The following GPATCH1 variants were observed in gnomAD, a reference collection of about 807,000 sequenced individuals.
The protein encoded by GPATCH1 is G-patch domain containing 1.
GPATCH1 carries 73 observed loss-of-function variants against 114.9 expected under a neutral mutation model. The observed-to-expected ratio is 0.64, with a 90% CI of 0.53 to 0.77. The LOEUF is 0.77. Ranked by LOEUF, GPATCH1 falls within the 30% of genes least tolerant of loss-of-function variation. The pLI is 0.00. For missense variants in GPATCH1, 1,058 were observed against 1,144.3 expected, an observed-to-expected ratio of 0.92 and a Z score of 1.09; for synonymous variants, 391 against 428.4, an observed-to-expected ratio of 0.91 and a Z score of 1.08.
At chr19:33,116,006 T>C (rs1972912688) in intron 15 of GPATCH1, among the ~76,000 whole-genome samples, 1 of 152,142 alleles carries the variant, frequency 6.6e-6, no homozygotes, top group South Asian at 2.1e-4. Flanking sequence ...TTATATTCCA[T>C]TTGAATTTTT....
chr19:33,104,472 T>A (rs763468452), intron 9 of GPATCH1, among the ~76,000 whole-genome samples: 8 of 151,678 alleles, frequency 5.3e-5, no homozygotes, highest in Non-Finnish European at 8.8e-5. Context: ...GATTTGGGGG[T>A]GTGTCTCCAG....
intron 14 of GPATCH1, 126 bp from the exon 15 acceptor site, chr19:33,114,127 A>G (rs961254219): frequency 1.0e-6 from 1 of 978,442 alleles, no homozygotes. Context: ...CTACCTCCCC[A>G]GGACCCTACA....
At chr19:33,107,599 C>T (rs1972799821) in intron 10 of GPATCH1, among the ~76,000 whole-genome samples, 1 of 152,164 alleles carries the variant, frequency 6.6e-6, no homozygotes, top group African/African-American at 2.4e-5. Flanking sequence ...GGAGAATCCC[C>T]TGCAGGGTGC....
rs202191781 is a variant in GPATCH1 at position 33,111,719 on chromosome 19, C to A, written c.1586-5C>A. 6.2e-7 allele frequency: 1 copy of A among 1,613,024 alleles called. No individual in the cohort carries two copies. Among genetic ancestry groups the A allele is most frequent in the Admixed American group, 1.7e-5 (1 of 59,828 alleles). On this transcript the variant is annotated splice_polypyrimidine_tract_variant and splice_region_variant and intron_variant, in intron 11 of 19. Coordinates refer to ENST00000170564, the MANE Select transcript of GPATCH1 (RefSeq NM_018025.3). ...GAAGCTGCTTCTTGTTCTCTGCCCCCGCAGATGCTCTGGAACGCTGTCTGG... is the reference window on the plus strand; with the variant it reads ...GAAGCTGCTTCTTGTTCTCTGCCCCAGCAGATGCTCTGGAACGCTGTCTGG...
intron 8 of GPATCH1, 25 bp downstream of exon 8, chr19:33,097,927 T>G (rs1972682056): frequency 1.2e-6 from 2 of 1,610,522 alleles, no homozygotes; most frequent in African/African-American, 2.7e-5. Context: ...ACAAACCTAA[T>G]GGCAGGACCA....
chr19:33,121,032 A>G (rs932345376), intron 17 of GPATCH1, among the ~76,000 whole-genome samples: 1 of 151,868 alleles, frequency 6.6e-6, no homozygotes, highest in Non-Finnish European at 1.5e-5. Flanking sequence ...ATTAAAAAAG[A>G]AAAAGAGAAA....
intron 1 of GPATCH1, among the ~76,000 whole-genome samples, chr19:33,087,886 T>C (rs923152596): frequency 3.3e-5 from 5 of 151,968 alleles, no homozygotes; most frequent in African/African-American, 1.2e-4. Flanking sequence ...GATTTTGCCA[T>C]GTTGACCAGG....
intron 10 of GPATCH1, 104 bp from the exon 11 acceptor site, chr19:33,109,613 C>T (rs1244491472): frequency 3.0e-6 from 2 of 657,190 alleles, no homozygotes; most frequent in Admixed American, 3.4e-5. Context: ...AAATCCTCAT[C>T]CCCAATTATG....
At position 33,118,995 on chromosome 19, in the gene GPATCH1, C is replaced by A. The variant is rs771049683; in HGVS notation, c.2414-15C>A. 3.3e-6 allele frequency: 5 copies of A among 1,521,344 alleles called. No homozygotes were observed. In the Admixed American group the frequency reaches 8.8e-5, roughly 27 times the overall value. 94.2% of individuals were successfully genotyped at this position (1,521,344 alleles called of 1,614,324 possible). On this transcript the variant is annotated splice_polypyrimidine_tract_variant and intron_variant, in intron 16 of 19. Transcript: ENST00000170564. ...TGGGGCAGACGAATGACATGAACAC[C>A]CCGCTGTTTTTCAGCTCTTGTGCCA...
intron 17 of GPATCH1, among the ~76,000 whole-genome samples, chr19:33,121,315 CTTTTCTTTTT>C (rs1568350563): frequency 7.4e-6 from 1 of 134,464 alleles, no homozygotes; most frequent in Admixed American, 7.3e-5. Flanking sequence ...TTTTTCTTTT[CTTTTCTTTTT>C]TTTTTTTTTT....
intron 17 of GPATCH1, among the ~76,000 whole-genome samples, chr19:33,122,391 C>A (rs969243604): frequency 6.7e-6 from 1 of 149,184 alleles, no homozygotes; most frequent in African/African-American, 2.5e-5. Flanking sequence ...GTGGCGCAAT[C>A]TTGGCTCACT....
rs570525396 is a variant in GPATCH1 at position 33,128,797 on chromosome 19, G to A, written c.2766-1333G>A. Among the ~76,000 whole-genome samples the A allele has an allele frequency of 5.9e-5, 9 of 152,278 alleles. No homozygotes were observed. In the East Asian group the frequency reaches 1.7e-3, roughly 29 times the overall value. On this transcript the variant is annotated intron_variant, in intron 19 of 19. Transcript: ENST00000170564. ...GTGAGGGGCTTGTAGTCATTGCTGT[G>A]GAAGATTCCTTCTTGTGAGCACACC...
intron 5 of GPATCH1, among the ~76,000 whole-genome samples, chr19:33,094,833 T>C (rs1053508801): frequency 2.0e-5 from 3 of 152,182 alleles, no homozygotes; most frequent in East Asian, 1.9e-4. Context: ...TGGTTACTCA[T>C]TGAGCACATT....
intron 17 of GPATCH1, among the ~76,000 whole-genome samples, chr19:33,120,014 TTA>T (rs1332489195): frequency 7.4e-6 from 1 of 135,304 alleles, no homozygotes; most frequent in Non-Finnish European, 1.5e-5. Flanking sequence ...TTTATATATT[TTA>T]TATATTTATA....
Position 33,093,503 on chromosome 19 carries a change from C to G in GPATCH1, c.439C>G (p.Leu147Val), listed in dbSNP as rs1255714314. Residue 147 changes from leucine (L) to valine (V), a missense_variant, in exon 4 of 20, where the codon CTC becomes GTC. This residue lies in a region of GPATCH1 where 893 missense variants were observed against 977.4 expected (regional missense o/e 0.91). Coordinates refer to ENST00000170564, the MANE Select transcript of GPATCH1 (RefSeq NM_018025.3). ...PIPGATLLDD[L>V]ITPAKLSVGF... Reference sequence around the variant, plus strand: ...TCCTGGAGCCACCCTCCTTGATGACCTCATAACGCCAGCAAAGTGAGCATT... The same window carrying G: ...TCCTGGAGCCACCCTCCTTGATGACGTCATAACGCCAGCAAAGTGAGCATT... 6.2e-7 allele frequency: 1 copy of G among 1,611,946 alleles called. No individual in the cohort carries two copies. The highest frequency in any genetic ancestry group is 1.7e-5 in the Admixed American group (1 of 59,296).
At chr19:33,105,628 A>G (rs770921631) in intron 9 of GPATCH1, among the ~76,000 whole-genome samples, 102 of 151,398 alleles carry the variant, frequency 6.7e-4, no homozygotes, top group African/African-American at 2.4e-3. Flanking sequence ...GGCTCAAGCA[A>G]TTCTCCTGCC....
At chr19:33,105,956 T>C (rs566814449) in intron 9 of GPATCH1, among the ~76,000 whole-genome samples, 23 of 152,080 alleles carry the variant, frequency 1.5e-4, no homozygotes, top group Admixed American at 1.3e-3. Context: ...TACGCGACTC[T>C]CCTGCCTCAG....
chr19:33,110,073 T>A (rs1756248178), intron 11 of GPATCH1, 57 bp downstream of exon 11: 2 of 1,417,246 alleles, frequency 1.4e-6, no homozygotes, highest in Admixed American at 4.0e-5. Flanking sequence ...ATATTCTCAC[T>A]GTTCTCATCC....
At chr19:33,093,959 A>G (rs1013364962) in intron 4 of GPATCH1, among the ~76,000 whole-genome samples, 3 of 152,136 alleles carry the variant, frequency 2.0e-5, no homozygotes, top group African/African-American at 2.4e-5. Flanking sequence ...CCCAGGAGAA[A>G]GGTCATCTGA....
Sources: allele counts gnomAD v4.1 joint callset (sites outside exome capture counted in the v4.1 genomes callset), GRCh38; gene constraint gnomAD v4.1.1; regional missense constraint gnomAD v4.1.1; transcripts MANE v1.5; gene names NCBI Gene and HGNC (gene_info 2026-07-23, HGNC 2026-07-21).